The following RBFOX1 variants were observed in gnomAD, a reference collection of about 807,000 sequenced individuals.
The protein encoded by RBFOX1 is RNA binding fox-1 homolog 1.
In RBFOX1, 8 loss-of-function variants were observed where a neutral mutation model predicts 57.7. That is an observed-to-expected ratio of 0.14 (90% CI 0.08 to 0.25). The LOEUF is 0.25. Among genes scored for constraint, RBFOX1 ranks in the 10% least tolerant of loss-of-function variants. RBFOX1 has a pLI of 1.00. For missense variants in RBFOX1, 611 were observed against 548.5 expected, an observed-to-expected ratio of 1.11 and a Z score of -1.14; for synonymous variants, 326 against 222.4, an observed-to-expected ratio of 1.47 and a Z score of -4.15.
intron 4 of RBFOX1, among the ~76,000 whole-genome samples, chr16:5,911,001 T>C (rs375327383): frequency 7.2e-5 from 11 of 152,314 alleles, no homozygotes; most frequent in African/African-American, 1.9e-4. Flanking sequence ...ATGCAAATCA[T>C]GCCCCCTTTC....
At chr16:6,461,934 C>T (rs1249038403) in intron 2 of RBFOX1, among the ~76,000 whole-genome samples, 1 of 152,188 alleles carries the variant, frequency 6.6e-6, no homozygotes, top group Non-Finnish European at 1.5e-5. Context: ...GTGGGGCAAG[C>T]TTTGACTGGA....
In RBFOX1 at chr16:6,236,777, C is replaced by T. The variant is rs577681881; in HGVS notation, c.-126-80218C>T. 6.5e-4 allele frequency among the ~76,000 whole-genome samples: 99 copies of T among 152,120 alleles called. 1 individual carries two copies. The highest frequency in any genetic ancestry group is 4.8e-3 in the South Asian group (23 of 4,804). ...TATTATGATGTATTTTTGCCAGATGCTTTTTGTGTGTTATGTCCACACGTT... is the reference window on the plus strand; with the variant it reads ...TATTATGATGTATTTTTGCCAGATGTTTTTTGTGTGTTATGTCCACACGTT... On this transcript the variant is annotated intron_variant, in intron 1 of 15. Transcript: ENST00000550418.
chr16:6,734,280 C>G (rs9646301), intron 3 of RBFOX1, among the ~76,000 whole-genome samples: 137,751 of 152,136 alleles, frequency 0.91, 64,006 homozygotes, highest in East Asian at 1. Context: ...AGTGTGCATG[C>G]GAGGGCTGGT....
intron 1 of RBFOX1, among the ~76,000 whole-genome samples, chr16:6,021,676 C>G (rs1596446823): frequency 6.6e-6 from 1 of 152,126 alleles, no homozygotes; most frequent in South Asian, 2.1e-4. Flanking sequence ...GGAAGTGACA[C>G]CTTAGGGGTC....
intron 5 of RBFOX1, among the ~76,000 whole-genome samples, chr16:7,574,644 G>C (rs2093145090): frequency 6.6e-6 from 1 of 152,146 alleles, no homozygotes; most frequent in Non-Finnish European, 1.5e-5. Flanking sequence ...TAGGCGTGTT[G>C]GCAGGTGATC....
chr16:7,250,018 A>G (rs1170601434), intron 4 of RBFOX1, among the ~76,000 whole-genome samples: 2 of 152,248 alleles, frequency 1.3e-5, no homozygotes, highest in Non-Finnish European at 2.9e-5. Context: ...TATAAAAAAT[A>G]GAACCTATTT....
chr16:6,828,547 G>T (rs1221221655), intron 3 of RBFOX1, among the ~76,000 whole-genome samples: 1 of 151,628 alleles, frequency 6.6e-6, no homozygotes, highest in African/African-American at 2.4e-5. Context: ...TCAGATAGCA[G>T]TTTCATATGA....
chr16:7,411,901 TCAAAA>T (rs1568722013), intron 4 of RBFOX1, among the ~76,000 whole-genome samples: 1 of 38,850 alleles, frequency 2.6e-5, no homozygotes, highest in Non-Finnish European at 4.8e-5. Context: ...AAAACTCCTT[TCAAAA>T]AAAAAAAAAA....
At position 5,945,293 on chromosome 16, in the gene RBFOX1, ATGT is replaced by A. The variant is rs550124996; in HGVS notation, c.351+77962_351+77964del. On this transcript the variant is annotated intron_variant, in intron 4 of 19. Coordinates refer to the RBFOX1 transcript ENST00000641259. ...GACACGAGGACCCACACATGGTCTG[ATGT>A]TGTGTCTGGAGTCATCATCGTTGAG... 4.3e-3 allele frequency among the ~76,000 whole-genome samples: 648 copies of A among 152,260 alleles called. 5 individuals are homozygous for A. Among genetic ancestry groups the A allele is most frequent in the Non-Finnish European group, 7.6e-3 (517 of 68,016 alleles).
At chr16:5,575,850 C>CCAA (rs79937803) in intron 2 of RBFOX1, among the ~76,000 whole-genome samples, 6 of 150,342 alleles carry the variant, frequency 4.0e-5, no homozygotes, top group Non-Finnish European at 8.9e-5. Context: ...TTCTCTCATT[C>CCAA]AAAAAAAAAA....
intron 2 of RBFOX1, among the ~76,000 whole-genome samples, chr16:6,425,904 T>C (rs2093912214): frequency 6.6e-6 from 1 of 152,166 alleles, no homozygotes; most frequent in South Asian, 2.1e-4. Flanking sequence ...ATTTAGTACA[T>C]TAGCTTCCCA....
At chr16:7,171,232 C>G (rs2080638141) in intron 4 of RBFOX1, among the ~76,000 whole-genome samples, 1 of 152,174 alleles carries the variant, frequency 6.6e-6, no homozygotes, top group Non-Finnish European at 1.5e-5. Flanking sequence ...CCTCCATGAA[C>G]TATGCTCTTA....
intron 14 of RBFOX1, among the ~76,000 whole-genome samples, chr16:7,701,392 G>C (rs950464426): frequency 4.6e-5 from 7 of 152,150 alleles, no homozygotes; most frequent in Non-Finnish European, 8.8e-5. Flanking sequence ...TCTGACCAGT[G>C]GCAGCATTAG....
chr16:5,434,881 T>C (rs2067869131), intron 1 of RBFOX1, among the ~76,000 whole-genome samples: 1 of 140,476 alleles, frequency 7.1e-6, no homozygotes, highest in African/African-American at 2.7e-5. Flanking sequence ...ACATAGCATG[T>C]CTTGATTCCC....
chr16:5,595,026 A>G (rs1433309552), intron 2 of RBFOX1, among the ~76,000 whole-genome samples: 2 of 150,586 alleles, frequency 1.3e-5, no homozygotes, highest in African/African-American at 4.9e-5. Flanking sequence ...GGCACCTCCA[A>G]TCCCAGCTGC....
intron 4 of RBFOX1, among the ~76,000 whole-genome samples, chr16:5,955,692 T>C (rs1301655786): frequency 6.6e-6 from 1 of 152,148 alleles, no homozygotes; most frequent in Non-Finnish European, 1.5e-5. Context: ...ATTTTAAAAT[T>C]CTTCTGGATA....
chr16:5,506,496 A>G (rs1481814470), intron 2 of RBFOX1, among the ~76,000 whole-genome samples: 2 of 152,208 alleles, frequency 1.3e-5, no homozygotes, highest in Admixed American at 1.3e-4. Flanking sequence ...CCAGTGCAAA[A>G]TGAATATAAA....
chr16:6,321,811 G>A (rs1286205639), intron 2 of RBFOX1, among the ~76,000 whole-genome samples: 1 of 152,146 alleles, frequency 6.6e-6, no homozygotes, highest in Non-Finnish European at 1.5e-5. Flanking sequence ...TCTGATGGCT[G>A]GTTTTTATTT....
intron 3 of RBFOX1, among the ~76,000 whole-genome samples, chr16:5,704,961 C>G (rs538344896): frequency 1.3e-5 from 2 of 152,152 alleles, no homozygotes; most frequent in Non-Finnish European, 2.9e-5. Context: ...GTGGGAAAAC[C>G]TGCTCATCTC....
Sources: gnomAD v4.1 joint callset for allele counts (sites outside exome capture counted in the v4.1 genomes callset) on GRCh38, gnomAD v4.1.1 for gene constraint, MANE v1.5 for transcripts, NCBI Gene and HGNC (gene_info 2026-07-23, HGNC 2026-07-21) for gene names.